VPS35L: variants seen among roughly 807,000 people sequenced by gnomAD.
VPS35L encodes the protein VPS35 endosomal protein-sorting factor-like.
A neutral mutation model predicts 133.0 loss-of-function variants in VPS35L; 83 were observed. The observed-to-expected ratio is 0.62, with a 90% confidence interval of 0.52 to 0.75. The LOEUF (loss-of-function observed/expected upper bound fraction) is 0.75, where lower values mean the gene tolerates loss of function less well. VPS35L is among the 30% of genes least tolerant of loss of function. The pLI is 0.00. For missense variants in VPS35L, 1,083 were observed against 1,206.8 expected (o/e 0.90, Z 1.52); for synonymous variants, 423 against 449.9 (o/e 0.94, Z 0.76).
intron 26 of VPS35L, among the ~76,000 whole-genome samples, chr16:19,655,904 G>C (rs949857302): frequency 6.6e-6 from 1 of 152,092 alleles, no homozygotes; most frequent in Non-Finnish European, 1.5e-5. Context: ...AGCAAGAGCA[G>C]GTTCTTTTCT....
Position 19,696,179 on chromosome 16 carries a change from C to T in VPS35L, c.2647-3323C>T, listed in dbSNP as rs116281589. 3.6e-3 allele frequency among the ~76,000 whole-genome samples: 552 copies of T among 152,260 alleles called. 5 individuals are homozygous for T. Among genetic ancestry groups the T allele is most frequent in the African/African-American group, 0.012 (501 of 41,544 alleles). ...GATTACAGGCATAAGCCACCGTGCC[C>T]GGCTATCCTTTGTTTTAATGGTGCA... On this transcript the variant is annotated intron_variant, in intron 29 of 30. Transcript: ENST00000417362.
At chr16:19,559,443 G>T (rs543838891) in intron 1 of VPS35L, among the ~76,000 whole-genome samples, 2 of 152,156 alleles carry the variant, frequency 1.3e-5, no homozygotes, top group Non-Finnish European at 2.9e-5. Context: ...ATTACTGGGG[G>T]TTGGAATTAT....
At chr16:19,556,055 G>T (rs745313134) in intron 1 of VPS35L, among the ~76,000 whole-genome samples, 11 of 152,310 alleles carry the variant, frequency 7.2e-5, no homozygotes, top group Non-Finnish European at 1.6e-4. Flanking sequence ...GTTGGCGCGG[G>T]TTCTGGGGTC....
chr16:19,562,197 A>C (rs1437639865), intron 1 of VPS35L, among the ~76,000 whole-genome samples: 1 of 152,126 alleles, frequency 6.6e-6, no homozygotes, highest in Non-Finnish European at 1.5e-5. Context: ...GCAATAGGGG[A>C]CAGAGATTGG....
chr16:19,583,893 C>T (rs1354365228), intron 7 of VPS35L, among the ~76,000 whole-genome samples: 3 of 152,156 alleles, frequency 2.0e-5, no homozygotes, highest in Admixed American at 6.6e-5. Context: ...AGCCTCTAGT[C>T]GTCGCTGTTC....
chr16:19,646,695 A>G (rs1011252063), intron 23 of VPS35L, among the ~76,000 whole-genome samples: 2 of 151,870 alleles, frequency 1.3e-5, no homozygotes, highest in African/African-American at 4.8e-5. Flanking sequence ...CACACAGTAA[A>G]CCCCTGCCAT....
chr16:19,564,032 T>C (rs1971106193), intron 1 of VPS35L, among the ~76,000 whole-genome samples: 1 of 152,182 alleles, frequency 6.6e-6, no homozygotes, highest in Non-Finnish European at 1.5e-5. Flanking sequence ...TTTGTTCTGG[T>C]GTGTGGCATA....
At chr16:19,674,693 G>A (rs1975001353) in intron 27 of VPS35L, among the ~76,000 whole-genome samples, 1 of 152,032 alleles carries the variant, frequency 6.6e-6, no homozygotes, top group Admixed American at 6.6e-5. Flanking sequence ...AACTGAAACT[G>A]TCCATTGGTT....
At chr16:19,583,771 G>A (rs226849) in intron 7 of VPS35L, among the ~76,000 whole-genome samples, 83,350 of 151,726 alleles carry the variant, frequency 0.55, 26,174 homozygotes, top group African/African-American at 0.86. Context: ...ATAAATTTTG[G>A]ACTATAGTCA....
intron 9 of VPS35L, among the ~76,000 whole-genome samples, chr16:19,603,349 C>T (rs532845131): frequency 6.6e-6 from 1 of 152,106 alleles, no homozygotes; most frequent in East Asian, 1.9e-4. Context: ...GTGGCCAGTC[C>T]AAATTGAGAT....
At chr16:19,558,760 G>GA (rs111538957) in intron 1 of VPS35L, among the ~76,000 whole-genome samples, 4,919 of 143,620 alleles carry the variant, frequency 0.034, 87 homozygotes, top group Non-Finnish European at 0.044. Context: ...GTCTCTACTA[G>GA]AAAAAAAAAA....
chr16:19,565,573 G>T (rs555311137), intron 2 of VPS35L, among the ~76,000 whole-genome samples: 1 of 152,102 alleles, frequency 6.6e-6, no homozygotes, highest in South Asian at 2.1e-4. Context: ...GGCTGGTCTC[G>T]AACCCTTGAC....
At chr16:19,560,684 C>T (rs576778135) in intron 1 of VPS35L, among the ~76,000 whole-genome samples, 2 of 151,892 alleles carry the variant, frequency 1.3e-5, no homozygotes, top group East Asian at 3.9e-4. Flanking sequence ...TAATCCCAGT[C>T]ACTTGGGAGG....
At chr16:19,619,957 G>A (rs1025732) in intron 14 of VPS35L, among the ~76,000 whole-genome samples, 13,432 of 152,132 alleles carry the variant, frequency 0.088, 756 homozygotes, top group East Asian at 0.22. Flanking sequence ...CTTCAAAATA[G>A]GGGATGGTAA....
chr16:19,576,165 C>G (rs952375936), intron 5 of VPS35L, among the ~76,000 whole-genome samples: 1 of 72,286 alleles, frequency 1.4e-5, no homozygotes, highest in South Asian at 5.1e-4. Flanking sequence ...GACTCTGTCT[C>G]AAAAAAAAAA....
chr16:19,641,031 C>T (rs1270811169), intron 21 of VPS35L, among the ~76,000 whole-genome samples: 1 of 152,088 alleles, frequency 6.6e-6, no homozygotes, highest in Non-Finnish European at 1.5e-5. Flanking sequence ...TGAGCCACCT[C>T]GCCTAGCTAG....
At chr16:19,667,086 C>G (rs1974718891) in intron 26 of VPS35L, among the ~76,000 whole-genome samples, 1 of 151,866 alleles carries the variant, frequency 6.6e-6, no homozygotes. Context: ...GCCTCAGCCT[C>G]CCGAGTAGCT....
At chr16:19,596,848 G>A (rs932185974) in intron 8 of VPS35L, among the ~76,000 whole-genome samples, 7 of 151,470 alleles carry the variant, frequency 4.6e-5, no homozygotes, top group East Asian at 2.0e-4. Flanking sequence ...GGTGAAACCC[G>A]TCTTTACTAA....
intron 1 of VPS35L, among the ~76,000 whole-genome samples, chr16:19,564,046 A>G (rs997798186): frequency 2.0e-5 from 3 of 152,180 alleles, no homozygotes; most frequent in Admixed American, 6.5e-5. Flanking sequence ...TGGCATAACA[A>G]GTCCAGTATG....
Sources: allele counts gnomAD v4.1 joint callset (sites outside exome capture counted in the v4.1 genomes callset), GRCh38; gene constraint gnomAD v4.1.1; transcripts MANE v1.5; gene names NCBI Gene and HGNC (gene_info 2026-07-23, HGNC 2026-07-21).